Variants in HMGA2 observed in about 807,000 individuals in gnomAD.
HMGA2 encodes high mobility group AT-hook 2, also known as high mobility group protein HMGI-C.
In HMGA2, 8 loss-of-function variants were observed where a neutral mutation model predicts 19.1. That is an observed-to-expected ratio of 0.42 (90% confidence interval 0.25 to 0.76). The LOEUF (loss-of-function observed/expected upper bound fraction) is 0.76. HMGA2 is among the 30% of genes least tolerant of loss of function. The pLI is 0.28. For synonymous variants in HMGA2, 60 were observed against 48.8 expected, an observed-to-expected ratio of 1.23 and a Z score of -0.96; for missense variants, 109 against 136.3, an observed-to-expected ratio of 0.80 and a Z score of 1.00.
intron 3 of HMGA2, among the ~76,000 whole-genome samples, chr12:65,879,258 G>A (rs1873224640): frequency 6.6e-6 from 1 of 151,882 alleles, no homozygotes; most frequent in Non-Finnish European, 1.5e-5. Context: ...CTCCCAAGTA[G>A]CTGGGACTAC....
chr12:65,947,992 C>CT (rs892855199), intron 3 of HMGA2, among the ~76,000 whole-genome samples: 18 of 152,018 alleles, frequency 1.2e-4, no homozygotes, highest in Middle Eastern at 3.4e-3. Context: ...TTTCTTTTTT[C>CT]TTTTTTTCAA....
intron 1 of HMGA2, 21 bp from the exon 2 acceptor site, chr12:65,827,978 ATT>A (rs146235774): frequency 4.7e-6 from 7 of 1,497,424 alleles, no homozygotes; most frequent in East Asian, 2.3e-5. Context: ...CCACAACAGC[ATT>A]TTTTTTTCCC....
chr12:65,865,127 AT>A (rs1440086739), intron 3 of HMGA2, among the ~76,000 whole-genome samples: 2 of 152,058 alleles, frequency 1.3e-5, no homozygotes, highest in East Asian at 3.8e-4. Flanking sequence ...TGCTTGTCTT[AT>A]TTTTTTGTAG....
chr12:65,888,714 C>T (rs1227382325), intron 3 of HMGA2, among the ~76,000 whole-genome samples: 27 of 151,116 alleles, frequency 1.8e-4, no homozygotes, highest in African/African-American at 6.5e-4. Flanking sequence ...CAGGCGCCCG[C>T]CACCACGCCC....
chr12:65,869,322 C>A (rs535787260), intron 3 of HMGA2, among the ~76,000 whole-genome samples: 26 of 152,292 alleles, frequency 1.7e-4, no homozygotes, highest in African/African-American at 6.3e-4. Flanking sequence ...AAATGAAACA[C>A]CATGGTTGTA....
chr12:65,892,497 A>C (rs1489845264), intron 3 of HMGA2, among the ~76,000 whole-genome samples: 1 of 151,856 alleles, frequency 6.6e-6, no homozygotes, highest in Non-Finnish European at 1.5e-5. Context: ...TTTTTCATTT[A>C]CTCCTAGCTG....
chr12:65,882,045 C>CT (rs1240602640), intron 3 of HMGA2: 2 of 634,238 alleles, frequency 3.2e-6, no homozygotes, highest in Non-Finnish European at 5.8e-6. Flanking sequence ...TCCCAGTTGT[C>CT]TATCACCAAA....
At chr12:65,888,456 C>G (rs372165273) in intron 3 of HMGA2, among the ~76,000 whole-genome samples, 135 of 150,222 alleles carry the variant, frequency 9.0e-4, no homozygotes, top group African/African-American at 3.1e-3. Flanking sequence ...CTCAGTCCCC[C>G]CCAAAAAAAG....
intron 3 of HMGA2, among the ~76,000 whole-genome samples, chr12:65,920,509 G>A (rs920302698): frequency 6.6e-6 from 1 of 152,156 alleles, no homozygotes; most frequent in Non-Finnish European, 1.5e-5. Context: ...ATGTCAACTC[G>A]AATTGTATCT....
At chr12:65,828,140 A>G in intron 2 of HMGA2, 53 bp downstream of exon 2, 3 of 1,303,800 alleles carry the variant, frequency 2.3e-6, no homozygotes, top group Non-Finnish European at 1.1e-6. Flanking sequence ...TGACTACAGG[A>G]GCCTGCCTGT....
chr12:65,878,024 C>T (rs1455664408), intron 3 of HMGA2, among the ~76,000 whole-genome samples: 5 of 152,044 alleles, frequency 3.3e-5, no homozygotes, highest in Non-Finnish European at 5.9e-5. Flanking sequence ...CTACTTGCAC[C>T]CCAGCCAAGG....
chr12:65,927,108 T>C (rs544513778), intron 3 of HMGA2, among the ~76,000 whole-genome samples: 2 of 152,330 alleles, frequency 1.3e-5, no homozygotes, highest in African/African-American at 4.8e-5. Flanking sequence ...ATCACTCATT[T>C]TAAACGCACA....
intron 3 of HMGA2, among the ~76,000 whole-genome samples, chr12:65,847,670 A>C (rs2120913027): frequency 6.6e-6 from 1 of 152,324 alleles, no homozygotes; most frequent in African/African-American, 2.4e-5. Context: ...TGTAAAACAA[A>C]GGGTAATCAT....
chr12:65,886,614 C>T (rs1873668929), intron 3 of HMGA2, among the ~76,000 whole-genome samples: 1 of 151,940 alleles, frequency 6.6e-6, no homozygotes, highest in Non-Finnish European at 1.5e-5. Context: ...GTCTCGGCCT[C>T]CCAAAGTGCT....
At chr12:65,886,613 T>C (rs753820770) in intron 3 of HMGA2, among the ~76,000 whole-genome samples, 12 of 151,830 alleles carry the variant, frequency 7.9e-5, no homozygotes, top group Non-Finnish European at 1.8e-4. Context: ...CGTCTCGGCC[T>C]CCCAAAGTGC....
chr12:65,879,521 C>A (rs1696287657), intron 3 of HMGA2, among the ~76,000 whole-genome samples: 1 of 151,880 alleles, frequency 6.6e-6, no homozygotes, highest in African/African-American at 2.4e-5. Context: ...AAGTGCATGG[C>A]CAGAAAAAAG....
chr12:65,882,812 G>T (rs1049579833), intron 3 of HMGA2, among the ~76,000 whole-genome samples: 1 of 152,198 alleles, frequency 6.6e-6, no homozygotes, highest in African/African-American at 2.4e-5. Flanking sequence ...GAAACGATAG[G>T]GAGTTGTTCA....
At chr12:65,877,860 A>C (rs9943821) in intron 3 of HMGA2, among the ~76,000 whole-genome samples, 2,094 of 152,208 alleles carry the variant, frequency 0.014, 59 homozygotes, top group African/African-American at 0.048. Flanking sequence ...CAAGAGAAGT[A>C]AACAGGTCAG....
chr12:65,914,409 C>T (rs1237267749), intron 3 of HMGA2, among the ~76,000 whole-genome samples: 3 of 147,768 alleles, frequency 2.0e-5, no homozygotes, highest in African/African-American at 5.0e-5. Context: ...AACCAAACAC[C>T]GCATATTCTC....
Sources: gnomAD v4.1 joint callset for allele counts (sites outside exome capture counted in the v4.1 genomes callset) on GRCh38, gnomAD v4.1.1 for gene constraint, MANE v1.5 for transcripts, NCBI Gene and HGNC (gene_info 2026-07-23, HGNC 2026-07-21) for gene names.